Variants in SLC13A3 observed in about 807,000 individuals in gnomAD.
The protein encoded by SLC13A3 is Na(+)/dicarboxylate cotransporter 3.
SLC13A3 carries 40 observed loss-of-function variants against 59.0 expected under a neutral mutation model. The observed-to-expected ratio is 0.68, with a 90% CI of 0.53 to 0.88. SLC13A3 has a LOEUF of 0.88. Ranked by LOEUF, SLC13A3 falls within the 40% of genes least tolerant of loss-of-function variation. The pLI, the probability that SLC13A3 is intolerant of heterozygous loss-of-function variation, is 0.00. For synonymous variants in SLC13A3, 317 were observed against 330.3 expected, an observed-to-expected ratio of 0.96 and a Z score of 0.44; for missense variants, 699 against 783.2, an observed-to-expected ratio of 0.89 and a Z score of 1.28.
At chr20:46,585,476 T>C (rs1009740560) in intron 8 of SLC13A3, 10 of 994,438 alleles carry the variant, frequency 1.0e-5, no homozygotes, top group Non-Finnish European at 1.1e-5. Context: ...AAAAAAATCT[T>C]CTTTTAATAG....
At chr20:46,621,277 G>T (rs2062611539) in intron 1 of SLC13A3, among the ~76,000 whole-genome samples, 1 of 133,742 alleles carries the variant, frequency 7.5e-6, no homozygotes, top group Non-Finnish European at 1.6e-5. Flanking sequence ...GTTTTAATGG[G>T]GAATCATTAG....
chr20:46,600,897 G>A (rs1199910810), intron 3 of SLC13A3, among the ~76,000 whole-genome samples: 1 of 152,206 alleles, frequency 6.6e-6, no homozygotes. Context: ...AGGGGAGTAG[G>A]TGGGCTCTCC....
chr20:46,657,129 A>T (rs1340571103), intron 1 of SLC13A3, among the ~76,000 whole-genome samples: 1 of 152,132 alleles, frequency 6.6e-6, no homozygotes, highest in East Asian at 1.9e-4. Context: ...CAACAAAAAA[A>T]GCTTTTGAGA....
intron 3 of SLC13A3, among the ~76,000 whole-genome samples, chr20:46,600,407 G>GAGGAAGGAAGGAAGGAAAGGA (rs1325222658): frequency 2.8e-5 from 4 of 143,602 alleles, no homozygotes; most frequent in East Asian, 2.1e-4. Flanking sequence ...AGAAAGAAAG[G>GAGGAAGGAAGGAAGGAAAGGA]AGGAAGGAAG....
chr20:46,602,981 C>A (rs928294010), intron 3 of SLC13A3, among the ~76,000 whole-genome samples: 1 of 151,990 alleles, frequency 6.6e-6, no homozygotes, highest in Admixed American at 6.6e-5. Flanking sequence ...GAGTTTGAGA[C>A]CAGCCTGACC....
chr20:46,568,084 C>T (rs1312274816), intron 10 of SLC13A3, among the ~76,000 whole-genome samples: 1 of 152,024 alleles, frequency 6.6e-6, no homozygotes, highest in Admixed American at 6.6e-5. Flanking sequence ...TTAAAAATTT[C>T]ATAATCGATT....
upstream of SLC13A3, among the ~76,000 whole-genome samples, chr20:46,671,295 C>T (rs1308798097): frequency 1.3e-5 from 2 of 152,194 alleles, no homozygotes; most frequent in Non-Finnish European, 2.9e-5. Context: ...CCCTTCAGAG[C>T]ACTCATGCAA....
chr20:46,597,561 C>T (rs572100374), intron 4 of SLC13A3, among the ~76,000 whole-genome samples: 4 of 152,136 alleles, frequency 2.6e-5, no homozygotes, highest in Admixed American at 6.5e-5. Flanking sequence ...CTCAGCCTCC[C>T]GAGTAACTGA....
At chr20:46,609,097 A>G in intron 3 of SLC13A3, 5 of 1,543,808 alleles carry the variant, frequency 3.2e-6, no homozygotes, top group Non-Finnish European at 4.4e-6. Context: ...GGGTTAAACT[A>G]GCCATTTCTG....
chr20:46,566,163 CG>C (rs2146080978), intron 11 of SLC13A3, 65 bp downstream of exon 11: 2 of 1,391,590 alleles, frequency 1.4e-6, no homozygotes, highest in East Asian at 2.3e-5. Context: ...GGTCCCTTGG[CG>C]GGGGAAGATT....
chr20:46,677,577 GGGGCA>G (rs1756185854), intron 1 of SLC13A3, among the ~76,000 whole-genome samples: 1 of 152,162 alleles, frequency 6.6e-6, no homozygotes, highest in Non-Finnish European at 1.5e-5. Flanking sequence ...ACTTGTGATG[GGGGCA>G]GAGACTATGG....
intron 3 of SLC13A3, chr20:46,600,583 C>T (rs912053293): frequency 4.3e-6 from 2 of 461,372 alleles, no homozygotes; most frequent in East Asian, 1.4e-4. Context: ...CAAGCTTAGG[C>T]TTACCTGAGC....
intron 7 of SLC13A3, among the ~76,000 whole-genome samples, chr20:46,588,890 G>A (rs577160245): frequency 3.7e-4 from 56 of 152,290 alleles, no homozygotes; most frequent in Admixed American, 1.2e-3. Context: ...TCTGCGTACC[G>A]GGAGGGAAAC....
chr20:46,572,182 A>G (rs945104026), intron 10 of SLC13A3, among the ~76,000 whole-genome samples: 1 of 152,066 alleles, frequency 6.6e-6, no homozygotes, highest in Admixed American at 6.5e-5. Context: ...ACCCAGGCTC[A>G]CCCTGGATTG....
chr20:46,599,133 T>C (rs2062346538), intron 4 of SLC13A3, among the ~76,000 whole-genome samples: 1 of 152,230 alleles, frequency 6.6e-6, no homozygotes, highest in Admixed American at 6.5e-5. Context: ...TTACATTCAC[T>C]TATCCATTTC....
chr20:46,656,448 T>C (rs2062993749), upstream of SLC13A3, among the ~76,000 whole-genome samples: 1 of 79,684 alleles, frequency 1.3e-5, no homozygotes, highest in Non-Finnish European at 2.4e-5. Flanking sequence ...GTATATATTA[T>C]ACTGTATATG....
chr20:46,601,948 G>A (rs1040331173), intron 3 of SLC13A3, among the ~76,000 whole-genome samples: 58 of 152,160 alleles, frequency 3.8e-4, no homozygotes, highest in Non-Finnish European at 1.3e-4. Context: ...AGAGCTCACA[G>A]GAAGGACTGT....
intron 9 of SLC13A3, among the ~76,000 whole-genome samples, chr20:46,580,643 G>T (rs1461533427): frequency 2.6e-5 from 4 of 152,042 alleles, no homozygotes; most frequent in Non-Finnish European, 5.9e-5. Flanking sequence ...AGAAAGTAAG[G>T]CTCAGACAAT....
Position 46,666,472 on chromosome 20 carries a change from TTTGTTGTTGTTGTTG to T in SLC13A3, c.-31+3556_-31+3570del, listed in dbSNP as rs11469962. ...TTTGTTTTGGTTTTGGTTTTGTTGC[TTTGTTGTTGTTGTTG>T]TTGTTGTTGTTGTTGTTGTTGTTGT... On this transcript the variant is annotated intron_variant, in intron 1 of 12. Coordinates refer to the SLC13A3 transcript ENST00000290317. Among the ~76,000 whole-genome samples the T allele has an allele frequency of 2.2e-4, 33 of 149,436 alleles. No homozygotes were observed. In the East Asian group the frequency reaches 2.6e-3, roughly 12 times the overall value.
Sources: allele counts gnomAD v4.1 joint callset (sites outside exome capture counted in the v4.1 genomes callset), GRCh38; gene constraint gnomAD v4.1.1; transcripts MANE v1.5; gene names NCBI Gene and HGNC (gene_info 2026-07-23, HGNC 2026-07-21).